CLINT1: variants seen among roughly 807,000 people sequenced by gnomAD.
The protein encoded by CLINT1 is clathrin interactor 1.
A neutral mutation model predicts 70.4 loss-of-function variants in CLINT1; 15 were observed. The ratio of observed to expected loss-of-function variants is 0.21; its 90% CI spans 0.14 to 0.33. The LOEUF is 0.33. CLINT1 is among the 10% of genes least tolerant of loss of function. The pLI is 1.00. For missense variants in CLINT1, 615 were observed against 778.1 expected (o/e 0.79, Z 2.49); for synonymous variants, 227 against 254.7 (o/e 0.89, Z 1.04).
intron 1 of CLINT1, among the ~76,000 whole-genome samples, chr5:157,827,072 T>C (rs1763063265): frequency 6.6e-6 from 1 of 152,178 alleles, no homozygotes; most frequent in African/African-American, 2.4e-5. Flanking sequence ...ACATCTAAAA[T>C]TTCTGAGATT....
At chr5:157,815,516 G>C (rs564009932) in intron 3 of CLINT1, among the ~76,000 whole-genome samples, 29 of 152,130 alleles carry the variant, frequency 1.9e-4, no homozygotes, top group Non-Finnish European at 3.8e-4. Flanking sequence ...ACTTGATCAG[G>C]TATATGAAAA....
chr5:157,838,558 G>A (rs912017980), intron 1 of CLINT1, among the ~76,000 whole-genome samples: 1 of 152,078 alleles, frequency 6.6e-6, no homozygotes, highest in African/African-American at 2.4e-5. Context: ...TTTTGCAAAC[G>A]TGGATAGTTT....
At chr5:157,843,895 T>C (rs1281946615) in intron 1 of CLINT1, among the ~76,000 whole-genome samples, 2 of 152,170 alleles carry the variant, frequency 1.3e-5, no homozygotes, top group Admixed American at 6.5e-5. Flanking sequence ...TCTGAGTGTA[T>C]CATCTATAGA....
intron 1 of CLINT1, among the ~76,000 whole-genome samples, chr5:157,828,469 A>G (rs1763106990): frequency 6.6e-6 from 1 of 152,192 alleles, no homozygotes; most frequent in Admixed American, 6.5e-5. Context: ...ACAAAAGTAT[A>G]TGAACGCTAA....
intron 8 of CLINT1, among the ~76,000 whole-genome samples, chr5:157,797,421 C>T (rs1018147454): frequency 1.3e-5 from 2 of 152,070 alleles, no homozygotes; most frequent in African/African-American, 2.4e-5. Flanking sequence ...GAGTTCCACT[C>T]GTCACCCAGA....
intron 1 of CLINT1, among the ~76,000 whole-genome samples, chr5:157,830,888 C>T (rs1284851225): frequency 2.7e-5 from 4 of 150,142 alleles, no homozygotes; most frequent in Non-Finnish European, 4.4e-5. Context: ...ATTAGCCAGG[C>T]GTGGTAGGAC....
In CLINT1 at chr5:157,847,117, A is replaced by C. The variant is rs113843518; in HGVS notation, c.41+11813T>G. Among the ~76,000 whole-genome samples, 208 of 152,338 alleles carry C rather than the reference A, an allele frequency of 1.4e-3. 3 individuals carry two copies. The highest frequency in any genetic ancestry group is 4.8e-3 in the African/African-American group (199 of 41,580). On this transcript the variant is annotated intron_variant, in intron 1 of 11. Transcript: ENST00000411809. ...ATTATTTAAGAAAATACATTCCATA[A>C]GGCTGTAACTGCCTAGCTAGTGATT...
chr5:157,841,278 GA>G (rs1753168660), intron 1 of CLINT1, among the ~76,000 whole-genome samples: 1 of 150,344 alleles, frequency 6.7e-6, no homozygotes. Flanking sequence ...AAAAAGAAAA[GA>G]AAAAGGTCAG....
chr5:157,858,883 C>CCCCCCCCCCCCCCCCCCCCCCCCCCCA, intron 1 of CLINT1, 47 bp downstream of exon 1: 1 of 494,278 alleles, frequency 2.0e-6, no homozygotes, highest in Non-Finnish European at 3.7e-6. Flanking sequence ...CTCCCCCTCC[C>CCCCCCCCCCCCCCCCCCCCCCCCCCCA]CCCTCCCCCA....
chr5:157,842,174 A>T (rs1249326630), intron 1 of CLINT1, among the ~76,000 whole-genome samples: 2 of 152,242 alleles, frequency 1.3e-5, no homozygotes, highest in African/African-American at 4.8e-5. Flanking sequence ...GTTAAGTTAC[A>T]GTAAAAGGAA....
At chr5:157,814,337 T>C (rs1762647138) in intron 3 of CLINT1, 44 bp from the exon 4 acceptor site, 2 of 1,297,370 alleles carry the variant, frequency 1.5e-6, no homozygotes, top group Non-Finnish European at 1.1e-6. Context: ...AAATATATTC[T>C]AGTAGAGCTT....
At position 157,813,186 on chromosome 5, in the gene CLINT1, C is replaced by T; in HGVS notation, c.394G>A (p.Val132Met). 1 of 1,613,660 alleles carries T rather than the reference C, an allele frequency of 6.2e-7. No homozygotes were observed. Among genetic ancestry groups the T allele is most frequent in the Middle Eastern group, 1.7e-4 (1 of 6,060 alleles). ...KDQGINIRQK[V>M]KELVEFAQDD... The stretch of plus-strand genomic sequence containing the variant: ...TGGGCAAATTCAACCAATTCCTTCA[C>T]CTTCTGTCGAATATTTATACCTTGA... The change falls in exon 5 of 12, where the codon GTG becomes ATG. Residue 132 changes from valine to methionine, a missense_variant. By Grantham distance (21) the Val-to-Met change is conservative. Transcript: ENST00000411809.
At chr5:157,833,659 T>A (rs1763321080) in intron 1 of CLINT1, among the ~76,000 whole-genome samples, 2 of 152,080 alleles carry the variant, frequency 1.3e-5, no homozygotes, top group African/African-American at 4.8e-5. Context: ...AACCAGTGTA[T>A]CAGACCGGTG....
chr5:157,837,191 CG>C (rs1274259870), intron 1 of CLINT1, among the ~76,000 whole-genome samples: 1 of 152,066 alleles, frequency 6.6e-6, no homozygotes, highest in Non-Finnish European at 1.5e-5. Context: ...TGCTTGAGCC[CG>C]GGAGTTTAAG....
At chr5:157,803,499 CAAT>C (rs773603787) in intron 8 of CLINT1, 148 bp downstream of exon 8, 9 of 498,926 alleles carry the variant, frequency 1.8e-5, no homozygotes, top group Non-Finnish European at 2.7e-5. Flanking sequence ...AAAAATAACA[CAAT>C]GATTCCAAAT....
intron 1 of CLINT1, among the ~76,000 whole-genome samples, chr5:157,832,995 T>A (rs1763292061): frequency 6.6e-6 from 1 of 152,172 alleles, no homozygotes. Context: ...GAAATACAAA[T>A]CCTTACTAAT....
At chr5:157,846,097 AC>A (rs1488878067) in intron 1 of CLINT1, among the ~76,000 whole-genome samples, 1 of 152,134 alleles carries the variant, frequency 6.6e-6, no homozygotes, top group Non-Finnish European at 1.5e-5. Flanking sequence ...TCAATTAATA[AC>A]CCTACAATGA....
chr5:157,841,049 C>T (rs1293160949), intron 1 of CLINT1, among the ~76,000 whole-genome samples: 1 of 151,974 alleles, frequency 6.6e-6, no homozygotes, highest in Non-Finnish European at 1.5e-5. Context: ...ATTGCTTGAG[C>T]TCAGGAGTTC....
chr5:157,830,780 C>T (rs1763207450), intron 1 of CLINT1, among the ~76,000 whole-genome samples: 1 of 132,204 alleles, frequency 7.6e-6, no homozygotes, highest in Non-Finnish European at 1.6e-5. Flanking sequence ...CTCTCTCTCT[C>T]TCTCTCTCTC....
Sources: allele counts gnomAD v4.1 joint callset (sites outside exome capture counted in the v4.1 genomes callset), GRCh38; gene constraint gnomAD v4.1.1; transcripts MANE v1.5; gene names NCBI Gene and HGNC (gene_info 2026-07-23, HGNC 2026-07-21).